The following FBXO42 variants were observed in gnomAD, a reference collection of about 807,000 sequenced individuals.
FBXO42 encodes F-box protein 42.
Under a neutral mutation model 71.7 loss-of-function variants are expected in FBXO42, and 12 were observed. The ratio of observed to expected loss-of-function variants is 0.17; its 90% CI spans 0.11 to 0.27. The LOEUF (loss-of-function observed/expected upper bound fraction) is 0.27, where lower values mean the gene tolerates loss of function less well. Among genes scored for constraint, FBXO42 ranks in the 10% least tolerant of loss-of-function variants. The pLI, the probability that FBXO42 is intolerant of heterozygous loss-of-function variation, is 1.00. For missense variants in FBXO42, 707 were observed against 911.9 expected (o/e 0.78, Z 2.89); for synonymous variants, 325 against 327.5 (o/e 0.99, Z 0.08).
At chr1:16,314,015 G>A (rs1007354056) in intron 2 of FBXO42, among the ~76,000 whole-genome samples, 1 of 152,128 alleles carries the variant, frequency 6.6e-6, no homozygotes, top group Non-Finnish European at 1.5e-5. Context: ...GTCCAGTGGC[G>A]TGATCTTGGC....
intron 1 of FBXO42, among the ~76,000 whole-genome samples, chr1:16,331,227 C>T (rs2082497342): frequency 6.7e-6 from 1 of 148,554 alleles, no homozygotes; most frequent in Non-Finnish European, 1.5e-5. Flanking sequence ...TCCTGGCTAA[C>T]ACGGTGAAAC....
At chr1:16,271,247 G>T (rs1035333836) in intron 4 of FBXO42, among the ~76,000 whole-genome samples, 1 of 140,806 alleles carries the variant, frequency 7.1e-6, no homozygotes, top group African/African-American at 2.7e-5. Context: ...TACTGTGTGC[G>T]TGTGTGTGTT....
At chr1:16,328,401 C>T (rs1200791276) in intron 1 of FBXO42, among the ~76,000 whole-genome samples, 1 of 152,170 alleles carries the variant, frequency 6.6e-6, no homozygotes, top group African/African-American at 2.4e-5. Flanking sequence ...GCTAACAATA[C>T]TAATCTAGCT....
chr1:16,320,658 C>A (rs2082403822), intron 1 of FBXO42, among the ~76,000 whole-genome samples: 1 of 145,354 alleles, frequency 6.9e-6, no homozygotes, highest in South Asian at 2.2e-4. Context: ...CTATGCCCAG[C>A]TAATTTTTTT....
rs1002345998 is a variant in FBXO42, at chr1:16,277,490, C to T, written c.502+17293G>A. ...TTGTAATCCCAGCATTTTGGGGGGC[C>T]GAGGCAAGCGGATCACTTGAGCTCA... On this transcript the variant is annotated intron_variant, in intron 4 of 9. Coordinates refer to ENST00000375592, the MANE Select transcript of FBXO42 (RefSeq NM_018994.3). Among the ~76,000 whole-genome samples, 5 of 149,546 alleles carry T rather than the reference C, an allele frequency of 3.3e-5. No homozygotes were observed. In the South Asian group the frequency reaches 1.1e-3, roughly 32 times the overall value.
chr1:16,253,423 C>T (rs2081610832), intron 7 of FBXO42: 1 of 593,144 alleles, frequency 1.7e-6, no homozygotes, highest in Middle Eastern at 3.3e-4. Flanking sequence ...AATGACACAG[C>T]AAAGTAAATG....
chr1:16,325,827 T>A (rs2082444227), intron 1 of FBXO42, among the ~76,000 whole-genome samples: 1 of 152,094 alleles, frequency 6.6e-6, no homozygotes, highest in Non-Finnish European at 1.5e-5. Flanking sequence ...GGTTTCACCA[T>A]GCTGGCCAGG....
intron 4 of FBXO42, among the ~76,000 whole-genome samples, chr1:16,275,130 T>C (rs959793275): frequency 1.3e-5 from 2 of 152,140 alleles, no homozygotes; most frequent in Non-Finnish European, 2.9e-5. Flanking sequence ...GTAAATTCAA[T>C]AGCAAGAAAC....
chr1:16,282,224 T>C (rs1442767112), intron 4 of FBXO42, among the ~76,000 whole-genome samples: 1 of 144,002 alleles, frequency 6.9e-6, no homozygotes, highest in Non-Finnish European at 1.5e-5. Flanking sequence ...CATTTTCTTT[T>C]TTTTTTTTTT....
At chr1:16,317,359 A>T (rs2082377602) in intron 1 of FBXO42, among the ~76,000 whole-genome samples, 1 of 152,132 alleles carries the variant, frequency 6.6e-6, no homozygotes, top group Non-Finnish European at 1.5e-5. Flanking sequence ...TGGAGGTTGC[A>T]GTGAGCAGAG....
intron 2 of FBXO42, among the ~76,000 whole-genome samples, chr1:16,313,298 GAGAA>G (rs755048090): frequency 5.8e-4 from 83 of 141,922 alleles, no homozygotes; most frequent in Non-Finnish European, 1.1e-3. Flanking sequence ...AAGAAAGAGA[GAGAA>G]AGAAAGAAAG....
chr1:16,301,618 G>A (rs569255599), intron 3 of FBXO42, among the ~76,000 whole-genome samples: 20 of 148,022 alleles, frequency 1.4e-4, no homozygotes, highest in Admixed American at 2.0e-4. Context: ...AGCCAAGACC[G>A]CGCCACTGCA....
intron 3 of FBXO42, 89 bp downstream of exon 3, chr1:16,305,713 CA>C: frequency 8.7e-7 from 1 of 1,148,588 alleles, no homozygotes; most frequent in Non-Finnish European, 1.3e-6. Context: ...GACCTTGTCT[CA>C]AAAACAAACA....
At chr1:16,331,065 A>G (rs1173712442) in intron 1 of FBXO42, among the ~76,000 whole-genome samples, 6 of 150,612 alleles carry the variant, frequency 4.0e-5, no homozygotes, top group Non-Finnish European at 8.8e-5. Context: ...GGTTGCAGTG[A>G]GCCAAGACAG....
chr1:16,272,995 A>T (rs4661360), intron 4 of FBXO42, among the ~76,000 whole-genome samples: 53,089 of 152,032 alleles, frequency 0.35, 9,740 homozygotes, highest in African/African-American at 0.41. Flanking sequence ...TGACCTCTCA[A>T]CCAAAGAACC....
At chr1:16,255,627 C>A (rs1196415974) in intron 6 of FBXO42, 84 bp downstream of exon 6, 1 of 1,163,178 alleles carries the variant, frequency 8.6e-7, no homozygotes, top group Non-Finnish European at 1.2e-6. Context: ...GAATTAGGCA[C>A]CTGGTCCCTA....
chr1:16,337,467 A>T (rs78840336), intron 1 of FBXO42, among the ~76,000 whole-genome samples: 1 of 152,214 alleles, frequency 6.6e-6, no homozygotes, highest in East Asian at 1.9e-4. Flanking sequence ...TGAGGCTGAG[A>T]TAAATTAACT....
intron 1 of FBXO42, among the ~76,000 whole-genome samples, chr1:16,330,990 G>C (rs970694926): frequency 8.6e-5 from 13 of 152,008 alleles, no homozygotes; most frequent in African/African-American, 3.1e-4. Context: ...GCATGGTGGC[G>C]CGTGCCTGTA....
chr1:16,252,183 G>T lies in FBXO42; in HGVS notation c.1038+105C>A. 1 of 863,256 alleles carries T rather than the reference G, an allele frequency of 1.2e-6. No homozygotes were observed. The highest frequency in any genetic ancestry group is 1.9e-6 in the Non-Finnish European group (1 of 527,658). 53.5% of individuals were successfully genotyped at this position (863,256 alleles called of 1,614,324 possible). On this transcript the variant is annotated intron_variant, in intron 9 of 9. Transcript: ENST00000375592. The surrounding 1 kb of genome is among the most constrained non-coding windows in gnomAD (Gnocchi z 4.4). ...ATGTTCACCTCTTTTGTGACACCAA[G>T]GTGTTTTCTATTTTTGTACAAATTT...
Sources: allele counts gnomAD v4.1 joint callset (sites outside exome capture counted in the v4.1 genomes callset), GRCh38; gene constraint gnomAD v4.1.1; non-coding constraint Gnocchi (gnomAD v3.1); transcripts MANE v1.5; gene names NCBI Gene and HGNC (gene_info 2026-07-23, HGNC 2026-07-21).